Variants in SORCS2 observed in about 807,000 individuals in gnomAD.
The protein encoded by SORCS2 is VPS10 domain-containing receptor SorCS2.
A neutral mutation model predicts 141.6 loss-of-function variants in SORCS2; 100 were observed. That is an observed-to-expected ratio of 0.71 (90% CI 0.60 to 0.83). The LOEUF (loss-of-function observed/expected upper bound fraction) is 0.83. SORCS2 is among the 40% of genes least tolerant of loss of function. SORCS2 has a pLI of 0.00. For synonymous variants in SORCS2, 789 were observed against 676.9 expected (o/e 1.17, Z -2.57); for missense variants, 1,646 against 1,560.2 (o/e 1.05, Z -0.93).
chr4:7,554,867 A>G (rs1006487072), intron 3 of SORCS2, among the ~76,000 whole-genome samples: 1 of 152,206 alleles, frequency 6.6e-6, no homozygotes, highest in Non-Finnish European at 1.5e-5. Context: ...GTAAAGGCAT[A>G]TTGGAACACC....
At chr4:7,638,242 C>T in intron 3 of SORCS2, 86 bp from the exon 4 acceptor site, 1 of 1,435,428 alleles carries the variant, frequency 7.0e-7, no homozygotes, top group East Asian at 2.6e-5. Flanking sequence ...GAGAGAGGCG[C>T]ACCTGGCCCA....
At chr4:7,435,255 G>C (rs892629724) in intron 2 of SORCS2, among the ~76,000 whole-genome samples, 1 of 152,016 alleles carries the variant, frequency 6.6e-6, no homozygotes, top group Non-Finnish European at 1.5e-5. Flanking sequence ...CTCCTGACTT[G>C]TGTGGCCTGG....
intron 1 of SORCS2, among the ~76,000 whole-genome samples, chr4:7,320,716 C>G (rs1008776503): frequency 6.6e-6 from 1 of 152,138 alleles, no homozygotes. Context: ...CTGTCACTCT[C>G]AGTTGTCCAT....
At chr4:7,335,798 C>CAGG (rs1277887607) in intron 1 of SORCS2, among the ~76,000 whole-genome samples, 1 of 152,204 alleles carries the variant, frequency 6.6e-6, no homozygotes, top group Admixed American at 6.5e-5. Flanking sequence ...GCGACTGGAA[C>CAGG]AGGCCCAAGT....
chr4:7,328,891 G>A (rs966586365), intron 1 of SORCS2, among the ~76,000 whole-genome samples: 2 of 152,166 alleles, frequency 1.3e-5, no homozygotes, highest in Admixed American at 1.3e-4. Flanking sequence ...CCACTTGCCG[G>A]CACCCTTGGC....
At chr4:7,641,822 G>GTGGA (rs1210467462) in intron 4 of SORCS2, among the ~76,000 whole-genome samples, 8 of 119,972 alleles carry the variant, frequency 6.7e-5, no homozygotes, top group African/African-American at 2.3e-4. Context: ...GGATGGGTGG[G>GTGGA]TGGATGGATG....
At chr4:7,579,200 C>T (rs973904137) in intron 3 of SORCS2, among the ~76,000 whole-genome samples, 4 of 152,182 alleles carry the variant, frequency 2.6e-5, no homozygotes, top group Admixed American at 1.3e-4. Flanking sequence ...GTCTCTTAAT[C>T]TGTCGTTATT....
intron 2 of SORCS2, among the ~76,000 whole-genome samples, chr4:7,519,567 CTG>C (rs1274494220): frequency 6.6e-6 from 1 of 152,206 alleles, no homozygotes; most frequent in Non-Finnish European, 1.5e-5. Flanking sequence ...CACGGTGAAG[CTG>C]TGTCTGCCAT....
At chr4:7,209,271 T>G (rs1238223372) in intron 1 of SORCS2, among the ~76,000 whole-genome samples, 1 of 152,200 alleles carries the variant, frequency 6.6e-6, no homozygotes, top group African/African-American at 2.4e-5. Context: ...CCCCCGTCTG[T>G]GAGGACTTGC....
chr4:7,283,847 T>G (rs1716038188), intron 1 of SORCS2, among the ~76,000 whole-genome samples: 1 of 151,946 alleles, frequency 6.6e-6, no homozygotes, highest in African/African-American at 2.4e-5. Flanking sequence ...TGGGGAGCCT[T>G]GGGCAGTTTT....
At chr4:7,358,665 C>T (rs1232811054) in intron 1 of SORCS2, among the ~76,000 whole-genome samples, 1 of 152,166 alleles carries the variant, frequency 6.6e-6, no homozygotes, top group African/African-American at 2.4e-5. Flanking sequence ...TCAATCTGAC[C>T]ATCTGCTGAG....
intron 1 of SORCS2, among the ~76,000 whole-genome samples, chr4:7,285,450 C>T (rs999389012): frequency 1.3e-5 from 2 of 152,252 alleles, no homozygotes; most frequent in African/African-American, 4.8e-5. Context: ...GGCCACCATG[C>T]ACTCCCCCAC....
chr4:7,633,158 A>C (rs993797795), intron 3 of SORCS2, among the ~76,000 whole-genome samples: 4 of 152,172 alleles, frequency 2.6e-5, no homozygotes, highest in African/African-American at 9.7e-5. Flanking sequence ...CAGTGGCAGG[A>C]GTGGGGGTGT....
chr4:7,522,019 G>A (rs543366349), intron 2 of SORCS2, among the ~76,000 whole-genome samples: 11 of 152,296 alleles, frequency 7.2e-5, no homozygotes, highest in South Asian at 4.1e-4. Context: ...TTCCTGCTTC[G>A]TGCATGTTCT....
chr4:7,728,513 C>A, intron 22 of SORCS2, 51 bp downstream of exon 22: 1 of 1,387,300 alleles, frequency 7.2e-7, no homozygotes, highest in Non-Finnish European at 9.9e-7. Context: ...CTTCCGGCAT[C>A]CAGAGAAGCC....
intron 2 of SORCS2, among the ~76,000 whole-genome samples, chr4:7,510,167 G>A (rs541202217): frequency 4.6e-5 from 7 of 152,272 alleles, no homozygotes; most frequent in Non-Finnish European, 1.0e-4. Flanking sequence ...TGCTGCCTCG[G>A]CAGTCCCAGA....
chr4:7,467,734 C>T (rs759144577), intron 2 of SORCS2, among the ~76,000 whole-genome samples: 4 of 152,210 alleles, frequency 2.6e-5, no homozygotes, highest in Non-Finnish European at 5.9e-5. Flanking sequence ...GTCTCAGCGG[C>T]CACTGCCACA....
chr4:7,250,425 C>G (rs886843900), intron 1 of SORCS2, among the ~76,000 whole-genome samples: 1 of 152,218 alleles, frequency 6.6e-6, no homozygotes, highest in Non-Finnish European at 1.5e-5. Context: ...GGTGTGGTTT[C>G]AAGTCAGCCA....
chr4:7,282,996 C>T (rs1715983546), intron 1 of SORCS2, among the ~76,000 whole-genome samples: 1 of 152,156 alleles, frequency 6.6e-6, no homozygotes, highest in Non-Finnish European at 1.5e-5. Flanking sequence ...TTCATTCATC[C>T]ATTAATTCAC....
Sources: gnomAD v4.1 joint callset for allele counts (sites outside exome capture counted in the v4.1 genomes callset) on GRCh38, gnomAD v4.1.1 for gene constraint, MANE v1.5 for transcripts, NCBI Gene and HGNC (gene_info 2026-07-23, HGNC 2026-07-21) for gene names.